The following TTC6 variants were observed in gnomAD, a reference collection of about 807,000 sequenced individuals.
The protein encoded by TTC6 is tetratricopeptide repeat protein 6.
A neutral mutation model predicts 210.4 loss-of-function variants in TTC6; 172 were observed. The ratio of observed to expected loss-of-function variants is 0.82; its 90% CI spans 0.72 to 0.93. The LOEUF is 0.93. TTC6 is among the 40% of genes least tolerant of loss of function. TTC6 has a pLI of 0.00. For missense variants in TTC6, 2,414 were observed against 2,318.1 expected (o/e 1.04, Z -0.85); for synonymous variants, 804 against 819.6 (o/e 0.98, Z 0.32).
exon 5 of TTC6, chr14:37,701,365 T>C (rs752428749): frequency 6.7e-7 from 1 of 1,488,088 alleles, no homozygotes; most frequent in Non-Finnish European, 8.9e-7. Flanking sequence ...CGCACCTTCA[T>C]GATCTGTGCA....
At chr14:37,603,468 C>T (rs552420297) in intron 1 of TTC6, among the ~76,000 whole-genome samples, 2 of 152,330 alleles carry the variant, frequency 1.3e-5, no homozygotes, top group East Asian at 3.9e-4. Context: ...AGCGACTTTC[C>T]CGAAAGGGAG....
intron 1 of TTC6, among the ~76,000 whole-genome samples, chr14:37,654,084 G>T (rs922014940): frequency 1.3e-5 from 2 of 152,064 alleles, no homozygotes; most frequent in Non-Finnish European, 2.9e-5. Flanking sequence ...AATATAGTTT[G>T]TATGTTTGTT....
chr14:37,817,059 A>G (rs1056097549), intron 25 of TTC6, among the ~76,000 whole-genome samples: 14 of 152,058 alleles, frequency 9.2e-5, no homozygotes, highest in Admixed American at 2.6e-4. Context: ...ACAAGAGACA[A>G]TTTCTCACCA....
chr14:37,690,994 T>TA (rs1425100992), intron 3 of TTC6, among the ~76,000 whole-genome samples: 6 of 152,052 alleles, frequency 3.9e-5, no homozygotes, highest in African/African-American at 1.2e-4. Flanking sequence ...CTTAAAACAT[T>TA]AAAAAAACCC....
chr14:37,794,472 C>T (rs549652231), intron 17 of TTC6, among the ~76,000 whole-genome samples: 2 of 151,226 alleles, frequency 1.3e-5, no homozygotes, highest in South Asian at 4.1e-4. Flanking sequence ...CTGTAGAGTG[C>T]TCTTTTGGTA....
rs934638667 is a variant in TTC6, at chr14:37,768,949, A to G, written c.3266+15714A>G. On this transcript the variant is annotated intron_variant, in intron 14 of 30. Transcript: ENST00000553443. The stretch of plus-strand genomic sequence containing the variant: ...TATTGGCTGTGGGTTTGTCATAGAT[A>G]GCTCTTATTATTTTGAAATACGTCC... Among the ~76,000 whole-genome samples, 11 of 151,820 alleles carry G rather than the reference A, an allele frequency of 7.2e-5. 1 individual carries two copies. In the South Asian group the frequency reaches 2.3e-3, roughly 32 times the overall value.
intron 29 of TTC6, among the ~76,000 whole-genome samples, chr14:37,832,118 A>G (rs1222491868): frequency 6.6e-6 from 1 of 152,038 alleles, no homozygotes; most frequent in Non-Finnish European, 1.5e-5. Flanking sequence ...TTTTGTACAT[A>G]AGGAGAGACA....
At chr14:37,797,707 A>G (rs1229929881) in intron 20 of TTC6, among the ~76,000 whole-genome samples, 3 of 151,874 alleles carry the variant, frequency 2.0e-5, no homozygotes, top group African/African-American at 7.2e-5. Context: ...CTTAAAAAAT[A>G]CCTTGTTTAA....
intron 6 of TTC6, among the ~76,000 whole-genome samples, chr14:37,718,922 C>G (rs1344993752): frequency 6.6e-6 from 1 of 151,804 alleles, no homozygotes; most frequent in Non-Finnish European, 1.5e-5. Flanking sequence ...ACAGTGGGAT[C>G]CCCATGTCAA....
At chr14:37,795,712 T>C (rs2096091226) in intron 18 of TTC6, among the ~76,000 whole-genome samples, 1 of 152,192 alleles carries the variant, frequency 6.6e-6, no homozygotes, top group Non-Finnish European at 1.5e-5. Context: ...GCATGTGTAC[T>C]AAACACAAAC....
intron 8 of TTC6, 70 bp from the exon 11 acceptor site, chr14:37,737,590 G>A: frequency 1.2e-6 from 1 of 837,702 alleles, no homozygotes; most frequent in Non-Finnish European, 1.8e-6. Flanking sequence ...TATTAGCCAA[G>A]TATTATATAT....
chr14:37,627,254 T>C (rs564985226), intron 1 of TTC6, among the ~76,000 whole-genome samples: 2 of 152,280 alleles, frequency 1.3e-5, no homozygotes, highest in Admixed American at 6.5e-5. Flanking sequence ...ATTAAACCTC[T>C]TTCCTTTATA....
At chr14:37,809,096 T>C (rs1595297078) in intron 24 of TTC6, among the ~76,000 whole-genome samples, 1 of 152,174 alleles carries the variant, frequency 6.6e-6, no homozygotes, top group East Asian at 1.9e-4. Context: ...TTAATTTCTT[T>C]GTTGGTGCTC....
At chr14:37,706,466 C>T (rs1425917676) in intron 5 of TTC6, among the ~76,000 whole-genome samples, 1 of 152,058 alleles carries the variant, frequency 6.6e-6, no homozygotes, top group Non-Finnish European at 1.5e-5. Flanking sequence ...CATTTATATG[C>T]TGATGACTAT....
At position 37,823,680 on chromosome 14, in the gene TTC6, A is replaced by G. The variant is rs2096163347; in HGVS notation, c.4764-67A>G. The G allele has an allele frequency of 2.9e-6, 4 of 1,399,828 alleles. No individual in the cohort carries two copies. The South Asian group carries it at 4.9e-5, about 17-fold the overall frequency. The allele number at this position is 1,399,828 out of a possible 1,614,324, so 86.7% of individuals were successfully genotyped here. ...TTTATGGAAAAGTCAGTTATAGGAA[A>G]ACATTGTATATGTCACCAGAATGCA... On this transcript the variant is annotated intron_variant, in intron 26 of 30. Transcript: ENST00000553443.
At chr14:37,726,854 A>G (rs1200040942) in intron 7 of TTC6, among the ~76,000 whole-genome samples, 3 of 152,102 alleles carry the variant, frequency 2.0e-5, no homozygotes, top group African/African-American at 7.2e-5. Flanking sequence ...TTTATAAGTT[A>G]TGTACATAGA....
At position 37,807,332 on chromosome 14, in the gene TTC6, C is replaced by T. The variant is rs962068281; in HGVS notation, c.4327C>T (p.Arg1443Ter). The T allele has an allele frequency of 3.4e-5, 52 of 1,524,022 alleles. No homozygotes were observed. The highest frequency in any genetic ancestry group is 5.9e-5 in the Admixed American group (3 of 50,870). 94.4% of individuals were successfully genotyped at this position (1,524,022 alleles called of 1,614,324 possible). ...TCTCTCTGAATAGGCATATTTAAGC[C>T]GAGTAGCATTCTATGGTTTAAAAGG... Residue 1443 changes from arginine (R) to a stop codon, truncating the protein, a stop_gained, in exon 23 of 31, where the codon CGA (arginine) becomes TGA (stop). Coordinates refer to ENST00000553443, the Ensembl canonical transcript of TTC6. LOFTEE classifies it high-confidence loss of function.
intron 29 of TTC6, among the ~76,000 whole-genome samples, chr14:37,834,469 T>G (rs1309827935): frequency 6.6e-6 from 1 of 152,156 alleles, no homozygotes; most frequent in Non-Finnish European, 1.5e-5. Flanking sequence ...TATTGTTGAA[T>G]GTCTTGATTG....
At chr14:37,673,825 A>T (rs767829919) in intron 1 of TTC6, among the ~76,000 whole-genome samples, 5 of 152,172 alleles carry the variant, frequency 3.3e-5, no homozygotes, top group Admixed American at 2.0e-4. Flanking sequence ...CATAGGTGGA[A>T]ACTGCTCTAT....
Sources: allele counts gnomAD v4.1 joint callset (sites outside exome capture counted in the v4.1 genomes callset), GRCh38; gene constraint gnomAD v4.1.1; transcripts MANE v1.5; gene names NCBI Gene and HGNC (gene_info 2026-07-23, HGNC 2026-07-21).